The following LRP5 variants were observed in gnomAD, a reference collection of about 807,000 sequenced individuals.
LRP5 encodes LDL receptor related protein 5.
Under a neutral mutation model 154.1 loss-of-function variants are expected in LRP5, and 62 were observed. The observed-to-expected ratio is 0.40, with a 90% CI of 0.33 to 0.50. The LOEUF (loss-of-function observed/expected upper bound fraction) is 0.50. Among genes scored for constraint, LRP5 ranks in the 20% least tolerant of loss-of-function variants. The pLI is 0.55. For synonymous variants in LRP5, 966 were observed against 1,011.5 expected (o/e 0.96, Z 0.85); for missense variants, 1,915 against 2,336.7 (o/e 0.82, Z 3.72).
chr11:68,358,518 T>G (rs1203334586), intron 3 of LRP5, among the ~76,000 whole-genome samples: 1 of 151,940 alleles, frequency 6.6e-6, no homozygotes, highest in Non-Finnish European at 1.5e-5. Context: ...CCCGGCAGGG[T>G]TGTGAACAGT....
chr11:68,374,329 T>C (rs1333672225), intron 5 of LRP5, among the ~76,000 whole-genome samples: 3 of 151,920 alleles, frequency 2.0e-5, no homozygotes, highest in Non-Finnish European at 4.4e-5. Flanking sequence ...ATCAGGGAAG[T>C]AGGTCAAAGG....
intron 1 of LRP5, among the ~76,000 whole-genome samples, chr11:68,316,162 C>G (rs1250349196): frequency 6.6e-6 from 1 of 152,070 alleles, no homozygotes; most frequent in Non-Finnish European, 1.5e-5. Context: ...TCTGCCTGTT[C>G]TGGGCATTTT....
At chr11:68,301,075 G>A in the LRP5 span, among the ~76,000 whole-genome samples, 1 of 147,582 alleles carries the variant, frequency 6.8e-6, no homozygotes, top group Non-Finnish European at 1.5e-5. Flanking sequence ...GATGACAGAC[G>A]TGCACCACCA....
At chr11:68,341,928 G>C (rs1417555659) in intron 1 of LRP5, among the ~76,000 whole-genome samples, 1 of 152,170 alleles carries the variant, frequency 6.6e-6, no homozygotes, top group Non-Finnish European at 1.5e-5. Context: ...CCGTGTCCTG[G>C]GTGTCTGGGT....
chr11:68,357,814 T>G lies in LRP5; in HGVS notation c.653T>G (p.Phe218Cys). The part of the protein sequence containing the change: ...KLYWADAKLS[F>C]IHRANLDGSF... ...TACTGGGCTGACGCCAAGCTCAGCT[T>G]CATCCACCGTGCCAACCTGGACGGC... is the stretch of plus-strand genomic sequence containing the variant. Residue 218 changes from phenylalanine to cysteine, a missense_variant, in exon 3 of 23, where the codon TTC becomes TGC. Physicochemically the swap from Phe to Cys is radical, Grantham distance 205. Around this residue, in one of 3 missense-constraint regions of LRP5, gnomAD observed 773 missense variants for 1,100.9 expected, o/e 0.70. Transcript: ENST00000294304. 6.2e-7 allele frequency: 1 copy of G among 1,613,730 alleles called. No individual in the cohort carries two copies. The highest frequency in any genetic ancestry group is 1.7e-4 in the Middle Eastern group (1 of 6,038).
chr11:68,325,869 C>G (rs3781600), intron 1 of LRP5, among the ~76,000 whole-genome samples: 17,320 of 152,232 alleles, frequency 0.11, 1,163 homozygotes, highest in African/African-American at 0.19. Flanking sequence ...AGAGAGGCAG[C>G]GTTGAAAAGT....
At chr11:68,303,181 G>T in the LRP5 span, among the ~76,000 whole-genome samples, 2 of 152,208 alleles carry the variant, frequency 1.3e-5, no homozygotes, top group Non-Finnish European at 2.9e-5. Flanking sequence ...GCCCAAGCTG[G>T]ACTGCAGTGA....
intron 5 of LRP5, among the ~76,000 whole-genome samples, chr11:68,369,434 G>A (rs2098632870): frequency 6.6e-6 from 1 of 152,092 alleles, no homozygotes; most frequent in Admixed American, 6.6e-5. Flanking sequence ...TGTTCTTGGG[G>A]TGTCAAAGCA....
rs2098662514 is a variant in LRP5 at position 68,416,308 on chromosome 11, C to G, written c.2828-20C>G. 2.5e-6 allele frequency: 4 copies of G among 1,611,078 alleles called. No individual in the cohort carries two copies. Among genetic ancestry groups the G allele is most frequent in the Non-Finnish European group, 2.5e-6 (3 of 1,177,658 alleles). On this transcript the variant is annotated intron_variant, in intron 12 of 22. Transcript: ENST00000294304. ...TGGCTTACAGACACCCACCTGCAGC[C>G]CTGTCTTTGCCTCCTCTAGCGCCCA...
intron 5 of LRP5, among the ~76,000 whole-genome samples, chr11:68,385,465 A>G (rs182865852): frequency 2.0e-5 from 3 of 152,144 alleles, no homozygotes; most frequent in African/African-American, 7.2e-5. Flanking sequence ...ACTGGGGGTC[A>G]TCACTGTGTT....
intron 13 of LRP5, among the ~76,000 whole-genome samples, chr11:68,422,119 A>AT (rs1166534809): frequency 2.6e-5 from 4 of 151,366 alleles, no homozygotes; most frequent in Non-Finnish European, 5.9e-5. Context: ...GGTTGGTTTA[A>AT]TTTTTTTTGA....
rs903473596 is a variant in LRP5, at chr11:68,447,436, G to C, written c.4586+903G>C. Among the ~76,000 whole-genome samples, 1 of 152,120 alleles carries C rather than the reference G, an allele frequency of 6.6e-6. No homozygotes were observed. The highest frequency in any genetic ancestry group is 1.5e-5 in the Non-Finnish European group (1 of 68,018). On this transcript the variant is annotated intron_variant, in intron 22 of 22. Coordinates refer to ENST00000294304, the MANE Select transcript of LRP5 (RefSeq NM_002335.4). This position sits in a 1 kb window ranked among gnomAD's most constrained non-coding sequence, Gnocchi z 4.3. ...ACGAACTCCCAGGCCTGGCTGGGGA[G>C]CCGGAACTGCAGCCTCCATTTCCAC...
At chr11:68,433,047 C>T (rs2098672818) in intron 17 of LRP5, among the ~76,000 whole-genome samples, 1 of 152,204 alleles carries the variant, frequency 6.6e-6, no homozygotes, top group Non-Finnish European at 1.5e-5. Flanking sequence ...GCTGACAGGT[C>T]CTCTGCCGGC....
chr11:68,351,327 G>T (rs2098618353), intron 2 of LRP5, among the ~76,000 whole-genome samples: 1 of 152,098 alleles, frequency 6.6e-6, no homozygotes, highest in Non-Finnish European at 1.5e-5. Flanking sequence ...CTCCGGGGCA[G>T]CCTCTGTTCC....
Position 68,353,124 on chromosome 11 carries a change from T to G in LRP5, c.489-4526T>G, listed in dbSNP as rs191964983. Among the ~76,000 whole-genome samples the G allele has an allele frequency of 3.7e-3, 571 of 152,292 alleles. 1 individual carries two copies. The highest frequency in any genetic ancestry group is 0.013 in the African/African-American group (529 of 41,552). ...ATCATCTCTGCGAGCCAACTGTCCC[T>G]GTTTGGCTCTGGCTTTTCTTAACTA... On this transcript the variant is annotated intron_variant, in intron 2 of 22. Coordinates refer to ENST00000294304, the MANE Select transcript of LRP5 (RefSeq NM_002335.4). The surrounding 1 kb of genome is among the most constrained non-coding windows in gnomAD (Gnocchi z 4.5).
At chr11:68,373,267 G>A (rs2098635354) in intron 5 of LRP5, among the ~76,000 whole-genome samples, 1 of 152,204 alleles carries the variant, frequency 6.6e-6, no homozygotes. Context: ...TGGGTGTAGG[G>A]AGTCAGGTGC....
At chr11:68,387,002 C>G (rs1181840464) in intron 6 of LRP5, among the ~76,000 whole-genome samples, 4 of 152,198 alleles carry the variant, frequency 2.6e-5, no homozygotes, top group Non-Finnish European at 4.4e-5. Flanking sequence ...CCCCTGGCTT[C>G]AGTTTCCTCA....
chr11:68,374,009 G>A (rs140040912), intron 5 of LRP5, among the ~76,000 whole-genome samples: 47 of 152,352 alleles, frequency 3.1e-4, no homozygotes, highest in East Asian at 7.7e-4. Flanking sequence ...TCCCGGCAGC[G>A]CCCAGATGAG....
At chr11:68,379,285 G>A (rs1268516724) in intron 5 of LRP5, among the ~76,000 whole-genome samples, 4 of 152,160 alleles carry the variant, frequency 2.6e-5, no homozygotes, top group African/African-American at 4.8e-5. Context: ...AGGACATTTG[G>A]GTTGTCTCCA....
Sources: gnomAD v4.1 joint callset for allele counts (sites outside exome capture counted in the v4.1 genomes callset) on GRCh38, gnomAD v4.1.1 for gene constraint, gnomAD v4.1.1 regional missense constraint, Gnocchi (gnomAD v3.1) non-coding constraint, MANE v1.5 for transcripts, NCBI Gene and HGNC (gene_info 2026-07-23, HGNC 2026-07-21) for gene names.